ENO3: variants seen among roughly 807,000 people sequenced by gnomAD.
ENO3 encodes beta-enolase.
ENO3 carries 46 observed loss-of-function variants against 47.7 expected under a neutral mutation model. The observed-to-expected ratio is 0.96, with a 90% confidence interval of 0.76 to 1.23. The LOEUF is 1.23. ENO3 is among the 50% of genes most tolerant of loss of function. ENO3 has a pLI of 0.00. For missense variants in ENO3, 575 were observed against 566.2 expected (o/e 1.02, Z -0.16); for synonymous variants, 223 against 225.9 (o/e 0.99, Z 0.11).
chr17:4,952,672 G>C, intron 2 of ENO3, 123 bp from the exon 3 acceptor site: 1 of 987,128 alleles, frequency 1.0e-6, no homozygotes, highest in South Asian at 1.4e-5. Context: ...ATGTTAGCCA[G>C]GCTGGTCTTG....
At chr17:4,951,779 T>A (rs1195358701) in intron 1 of ENO3, 49 bp from the exon 2 acceptor site, 1 of 1,585,736 alleles carries the variant, frequency 6.3e-7, no homozygotes, top group Non-Finnish European at 8.7e-7. Context: ...GATTTCTGGT[T>A]CCTTAAGAGA....
intron 9 of ENO3, chr17:4,956,346 C>T (rs1197892557): frequency 1.1e-5 from 8 of 744,906 alleles, no homozygotes; most frequent in Non-Finnish European, 6.8e-6. Flanking sequence ...CATGACCCCC[C>T]ACCCCCAGCC....
chr17:4,952,811 T>C lies in ENO3; in HGVS notation c.102T>C (p.Ala34=), dbSNP rs1462903192. 6.2e-7 allele frequency: 1 copy of C among 1,611,072 alleles called. No individual in the cohort carries two copies. Among genetic ancestry groups the C allele is most frequent in the African/African-American group, 1.3e-5 (1 of 74,906 alleles). Reference sequence around the variant, plus strand: ...CTGTCCCAGGCCGATTCCGAGCAGCTGTGCCCAGTGGGGCTTCCACGGGTA... The same window carrying C: ...CTGTCCCAGGCCGATTCCGAGCAGCCGTGCCCAGTGGGGCTTCCACGGGTA... ...LHTAKGRFRA[A]VPSGASTGIY... Residue 34 remains alanine, a synonymous_variant, in exon 3 of 12, where the codon GCT becomes GCC. Transcript: ENST00000519602.
rs761323443 is a variant in ENO3, at chr17:4,953,741, G to T, written c.340G>T (p.Val114Leu). 1.2e-6 allele frequency: 2 copies of T among 1,614,212 alleles called. No homozygotes were observed. ...GTTTGGGGCCAATGCCATCCTGGGCGTGTCCTTGGCCGTGTGTAAGGCGGG... is the reference window on the plus strand; with the variant it reads ...GTTTGGGGCCAATGCCATCCTGGGCTTGTCCTTGGCCGTGTGTAAGGCGGG... ...SKFGANAILG[V>L]SLAVCKAGAA... Residue 114 changes from valine (V) to leucine (L), a missense_variant, in exon 6 of 12, where the codon GTG becomes TTG. By Grantham distance (32) the Val-to-Leu change is conservative (BLOSUM62 1). Coordinates refer to ENST00000519602, the MANE Select transcript of ENO3 (RefSeq NM_053013.4).
At chr17:4,953,142 T>A (rs1971602992) in intron 4 of ENO3, 33 bp downstream of exon 4, 13 of 1,614,044 alleles carry the variant, frequency 8.1e-6, no homozygotes, top group Non-Finnish European at 1.1e-5. Context: ...TGCAGCCTCC[T>A]CCCCATGCCC....
chr17:4,952,767 T>C (rs751242015), intron 2 of ENO3, 28 bp from the exon 3 acceptor site: 7 of 1,592,942 alleles, frequency 4.4e-6, no homozygotes, highest in Non-Finnish European at 6.0e-6. Context: ...CAGCCATCCC[T>C]GTGATCTTCC....
At chr17:4,950,278 A>T (rs189947255), upstream of ENO3, 3 of 152,298 alleles carry the variant, frequency 2.0e-5, no homozygotes, top group East Asian at 5.8e-4. Flanking sequence ...GCAGAGACCT[A>T]CCTCCCCGCA....
At chr17:4,956,546 G>A (rs1971737086) in intron 9 of ENO3, 27 bp from the exon 10 acceptor site, 1 of 1,612,226 alleles carries the variant, frequency 6.2e-7, no homozygotes, top group Non-Finnish European at 8.5e-7. Context: ...GTTCTAGAAG[G>A]CCACATCAAA....
intron 5 of ENO3, 90 bp from the exon 6 acceptor site, chr17:4,953,622 C>T (rs1971621263): frequency 1.2e-6 from 2 of 1,605,954 alleles, no homozygotes; most frequent in South Asian, 2.2e-5. Context: ...TCTTCATGCT[C>T]AGTGGTTTGG....
In ENO3 at chr17:4,955,550, A is replaced by C. The variant is rs1182519169; in HGVS notation, c.811A>C (p.Ile271Leu). ...FKSPDDPARH[I>L]TGEKLGELYK... The stretch of plus-strand genomic sequence containing the variant: ...GTCGCCTGATGATCCCGCACGGCAC[A>C]TCACTGGGGAGAAGCTCGGAGAGCT... The change falls in exon 8 of 12, where the codon ATC becomes CTC. Residue 271 changes from isoleucine (I) to leucine (L), a missense_variant. Physicochemically the swap from Ile to Leu is conservative, Grantham distance 5 (BLOSUM62 2). Transcript: ENST00000519602. The C allele has an allele frequency of 6.2e-7, 1 of 1,614,122 alleles. No individual in the cohort carries two copies. Among genetic ancestry groups the C allele is most frequent in the Non-Finnish European group, 8.5e-7 (1 of 1,180,052 alleles).
At chr17:4,953,619 G>C (rs543793407) in intron 5 of ENO3, 93 bp from the exon 6 acceptor site, 15 of 1,605,486 alleles carry the variant, frequency 9.3e-6, no homozygotes, top group Non-Finnish European at 1.3e-5. Context: ...AATTCTTCAT[G>C]CTCAGTGGTT....
In ENO3 at chr17:4,955,437, C is replaced by T. The variant is rs142982636; in HGVS notation, c.698C>T (p.Ala233Val). ...ALELLKTAIQ[A>V]AGYPDKVVIG... Reference sequence around the variant, plus strand: ...GAGCTGCTGAAGACGGCCATCCAGGCGGCTGGTTACCCAGACAAGGTGGTG... The same window carrying T: ...GAGCTGCTGAAGACGGCCATCCAGGTGGCTGGTTACCCAGACAAGGTGGTG... Residue 233 changes from alanine to valine, a missense_variant, in exon 8 of 12, where the codon GCG (alanine) becomes GTG (valine). Transcript: ENST00000519602. 3.3e-5 allele frequency: 53 copies of T among 1,614,226 alleles called. No individual in the cohort carries two copies. Among genetic ancestry groups the T allele is most frequent in the African/African-American group, 2.3e-4 (17 of 75,060 alleles).
Position 4,957,123 on chromosome 17 carries a change from C to T in ENO3, c.*76C>T, listed in dbSNP as rs1349717832. ...TGCTTCCTGAAATAAACACTGGTGC[C>T]AACCAAGACAGCTGTGTGCTTCTTT... On this transcript the variant is annotated 3_prime_UTR_variant, in exon 12 of 12. Transcript: ENST00000519602. 16 of 1,575,374 alleles carry T rather than the reference C, an allele frequency of 1.0e-5. No homozygotes were observed. Among genetic ancestry groups the T allele is most frequent in the African/African-American group, 1.4e-5 (1 of 73,746 alleles).
chr17:4,954,902 A>G (rs1414447091), intron 6 of ENO3, among the ~76,000 whole-genome samples, 173 bp from the exon 7 acceptor site: 2 of 151,580 alleles, frequency 1.3e-5, no homozygotes, highest in Non-Finnish European at 3.0e-5. Flanking sequence ...TCTCAAAAAA[A>G]AAAAAAAAAA....
In ENO3 at chr17:4,956,881, A is replaced by AC. The variant is rs1323690256; in HGVS notation, c.1228dup (p.Leu410ProfsTer21). On this transcript the variant is annotated frameshift_variant, in exon 11 of 12. Transcript: ENST00000519602. LOFTEE classifies it high-confidence loss of function. ...CGGAGCGTCTGGCCAAATACAACCA[A>AC]CTCATGAGGTACAGCGGGAACAGTG... 6.2e-7 allele frequency: 1 copy of AC among 1,613,704 alleles called. No homozygotes were observed. The highest frequency in any genetic ancestry group is 8.5e-7 in the Non-Finnish European group (1 of 1,179,948).
Position 4,952,895 on chromosome 17 carries a change from G to A in ENO3, c.181+5G>A, listed in dbSNP as rs200793919. The A allele has an allele frequency of 9.4e-5, 152 of 1,611,960 alleles. No homozygotes were observed. Among genetic ancestry groups the A allele is most frequent in the Middle Eastern group, 1.6e-4 (1 of 6,082 alleles). The stretch of plus-strand genomic sequence containing the variant: ...AAGGCCGCTACCTGGGGAAAGGTGA[G>A]GAGACACCAGCGCAGAAGGAGCCTG... On this transcript the variant is annotated splice_donor_5th_base_variant and intron_variant, in intron 3 of 11. Coordinates refer to ENST00000519602, the MANE Select transcript of ENO3 (RefSeq NM_053013.4).
upstream of ENO3, chr17:4,950,235 C>G (rs1971500609): frequency 6.6e-6 from 1 of 152,234 alleles, no homozygotes; most frequent in Non-Finnish European, 1.5e-5. Context: ...CGCACTGGCC[C>G]CAGAGCCGGC....
Position 4,956,693 on chromosome 17 carries a change from T to C in ENO3, c.1176+12T>C. 1 of 1,614,192 alleles carries C rather than the reference T, an allele frequency of 6.2e-7. No homozygotes were observed. ...TCTGCACAGGACAGGTACTTGTAGC[T>C]TCTCTCTACTGAGTGTCTCACCAAG... On this transcript the variant is annotated intron_variant, in intron 10 of 11. Coordinates refer to ENST00000519602, the MANE Select transcript of ENO3 (RefSeq NM_053013.4).
chr17:4,952,890 G>A lies in ENO3; in HGVS notation c.181G>A (p.Gly61Arg). ...DGDKGRYLGK[G>R]VLKAVENINN... ...AGACAAAGGCCGCTACCTGGGGAAA[G>A]GTGAGGAGACACCAGCGCAGAAGGA... The change falls in exon 3 of 12, where the codon GGA (glycine) becomes AGA (arginine). Residue 61 changes from glycine to arginine, a missense_variant and splice_region_variant. Coordinates refer to ENST00000519602, the MANE Select transcript of ENO3 (RefSeq NM_053013.4). 1 of 1,612,320 alleles carries A rather than the reference G, an allele frequency of 6.2e-7. No individual in the cohort carries two copies. The highest frequency in any genetic ancestry group is 8.5e-7 in the Non-Finnish European group (1 of 1,179,072).
Sources: gnomAD v4.1 joint callset for allele counts (sites outside exome capture counted in the v4.1 genomes callset) on GRCh38, gnomAD v4.1.1 for gene constraint, MANE v1.5 for transcripts, NCBI Gene and HGNC (gene_info 2026-07-23, HGNC 2026-07-21) for gene names.